UBE2B: variants seen among roughly 807,000 people sequenced by gnomAD.
The protein encoded by UBE2B is ubiquitin conjugating enzyme E2 B.
In UBE2B, 11 loss-of-function variants were observed where a neutral mutation model predicts 24.6. That is an observed-to-expected ratio of 0.45 (90% confidence interval 0.28 to 0.74). UBE2B has a LOEUF of 0.74. Ranked by LOEUF, UBE2B falls within the 30% of genes least tolerant of loss-of-function variation. The pLI is 0.13. For synonymous variants in UBE2B, 68 were observed against 62.4 expected, an observed-to-expected ratio of 1.09 and a Z score of -0.42; for missense variants, 78 against 185.6, an observed-to-expected ratio of 0.42 and a Z score of 3.37.
chr5:134,384,860 C>T (rs531193265), intron 4 of UBE2B, among the ~76,000 whole-genome samples: 94 of 149,676 alleles, frequency 6.3e-4, no homozygotes, highest in African/African-American at 2.2e-3. Context: ...TAACCCTCCC[C>T]GCTTCAGTCC....
At chr5:134,383,507 G>C (rs1386033840) in intron 4 of UBE2B, among the ~76,000 whole-genome samples, 1 of 110,188 alleles carries the variant, frequency 9.1e-6, no homozygotes, top group African/African-American at 3.8e-5. Context: ...TTTTGAGACA[G>C]AGTCTTGCTC....
chr5:134,385,838 C>T (rs1758791115), intron 4 of UBE2B, among the ~76,000 whole-genome samples: 1 of 151,520 alleles, frequency 6.6e-6, no homozygotes, highest in Non-Finnish European at 1.5e-5. Context: ...ATAGTGAAAC[C>T]CCGTCTTTAC....
rs1208010234 is a variant in UBE2B, at chr5:134,390,147, G to A, written c.331-78G>A. The stretch of plus-strand genomic sequence containing the variant: ...ATTTGTTGTTTTGTATAACTTTTCT[G>A]TAATATATTCCATATCTGACCCCTG... On this transcript the variant is annotated intron_variant, in intron 5 of 5. Coordinates refer to ENST00000265339, the MANE Select transcript of UBE2B (RefSeq NM_003337.4). The surrounding 1 kb of genome is among the most constrained non-coding windows in gnomAD (Gnocchi z 4.6). 4 of 1,564,396 alleles carry A rather than the reference G, an allele frequency of 2.6e-6. No homozygotes were observed. In the Admixed American group the frequency reaches 5.1e-5, roughly 20 times the overall value.
intron 5 of UBE2B, 78 bp downstream of exon 5, chr5:134,388,491 A>T (rs1423632919): frequency 7.8e-7 from 1 of 1,288,728 alleles, no homozygotes; most frequent in Non-Finnish European, 1.1e-6. Flanking sequence ...ACAGGTAACC[A>T]ATGGCAGAGC....
intron 3 of UBE2B, among the ~76,000 whole-genome samples, chr5:134,379,147 G>A (rs1357336284): frequency 6.6e-6 from 1 of 152,080 alleles, no homozygotes; most frequent in Admixed American, 6.6e-5. Context: ...CCAATATTTT[G>A]CAGATGTCCC....
At chr5:134,378,010 G>A (rs957251414) in intron 3 of UBE2B, among the ~76,000 whole-genome samples, 2 of 152,022 alleles carry the variant, frequency 1.3e-5, no homozygotes, top group African/African-American at 4.8e-5. Context: ...AGACCAGCCT[G>A]GGGGAGCCCT....
intron 4 of UBE2B, among the ~76,000 whole-genome samples, chr5:134,383,498 T>C (rs1042175498): frequency 6.8e-6 from 1 of 146,152 alleles, no homozygotes; most frequent in Non-Finnish European, 1.5e-5. Flanking sequence ...TTTTTTTTTT[T>C]TTGAGACAGA....
At chr5:134,376,118 G>A (rs1758598189) in intron 2 of UBE2B, among the ~76,000 whole-genome samples, 2 of 150,626 alleles carry the variant, frequency 1.3e-5, no homozygotes, top group South Asian at 4.2e-4. Context: ...TGGATCACCT[G>A]AGGTCAGGAG....
rs967472077 is a variant in UBE2B at position 134,391,841 on chromosome 5, C to G, written c.*1488C>G. ...ATTAGTTGGGCATAGTGGCACTTGC[C>G]TGTAGTCTCAGCTACTTAGGAGGCT... On this transcript the variant is annotated 3_prime_UTR_variant, in exon 6 of 6. Transcript: ENST00000265339. 1.3e-5 allele frequency: 2 copies of G among 152,146 alleles called. No individual in the cohort carries two copies. Among genetic ancestry groups the G allele is most frequent in the African/African-American group, 4.8e-5 (2 of 41,426 alleles). The allele number at this position is 152,146 out of a possible 1,614,324, so 9.4% of individuals were successfully genotyped here.
At chr5:134,388,945 T>G in intron 5 of UBE2B, 1 of 277,410 alleles carries the variant, frequency 3.6e-6, no homozygotes, top group South Asian at 2.5e-5. Flanking sequence ...CTTCTTTAAT[T>G]GTTTTTTTTT....
intron 3 of UBE2B, 126 bp downstream of exon 3, chr5:134,376,820 T>C: frequency 2.2e-6 from 2 of 911,774 alleles, no homozygotes; most frequent in Non-Finnish European, 3.3e-6. Flanking sequence ...AGTAAAGCTA[T>C]GGAAAATTTA....
chr5:134,371,718 CCTTTGTGACCCTCAGAGGGCCGG>C, intron 1 of UBE2B, 79 bp downstream of exon 1: 1 of 1,591,808 alleles, frequency 6.3e-7, no homozygotes, highest in Non-Finnish European at 8.6e-7. Context: ...GACACCTTCC[CCTTTGTGACCCTCAGAGGGCCGG>C]CTGTGGGCCC....
chr5:134,372,793 G>A (rs1227007827), intron 1 of UBE2B, among the ~76,000 whole-genome samples: 5 of 152,146 alleles, frequency 3.3e-5, no homozygotes, highest in African/African-American at 1.2e-4. Context: ...TGGACTAGTT[G>A]CAAATTATGA....
chr5:134,380,453 C>G (rs768258937), intron 3 of UBE2B, among the ~76,000 whole-genome samples: 22 of 152,178 alleles, frequency 1.4e-4, no homozygotes, highest in Non-Finnish European at 2.4e-4. Context: ...ATCTTGGTAG[C>G]TAGGGCCTAG....
In UBE2B at chr5:134,383,473, C is replaced by CTATTTTTTTT. The variant is rs1554114519; in HGVS notation, c.241+2666_241+2667insATTTTTTTTT. Among the ~76,000 whole-genome samples the CTATTTTTTTT allele has an allele frequency of 1.9e-4, 15 of 80,042 alleles. 2 individuals carry two copies. Among genetic ancestry groups the CTATTTTTTTT allele is most frequent in the African/African-American group, 6.0e-4 (11 of 18,438 alleles). The allele number at this position is 80,042 out of a possible 152,430, so 52.5% of individuals were successfully genotyped here. A position where few individuals can be genotyped will look rare whatever the true frequency, so the allele number is the denominator to read the frequency against. ...TGCAGATGTGTGCCACCATACCCAG[C>CTATTTTTTTT]TTTTTTTTTTTTTTTTTTTTTTTTT... On this transcript the variant is annotated intron_variant, in intron 4 of 5. Coordinates refer to ENST00000265339, the MANE Select transcript of UBE2B (RefSeq NM_003337.4).
intron 1 of UBE2B, among the ~76,000 whole-genome samples, chr5:134,373,700 G>A: frequency 6.6e-6 from 1 of 152,022 alleles, no homozygotes; most frequent in Non-Finnish European, 1.5e-5. Flanking sequence ...TGTTCTCATT[G>A]TTCAATTCCC....
chr5:134,384,666 T>C (rs902844468), intron 4 of UBE2B, among the ~76,000 whole-genome samples: 9 of 152,226 alleles, frequency 5.9e-5, no homozygotes, highest in African/African-American at 2.2e-4. Context: ...TTTTTTATAA[T>C]TTAACTTTCT....
intron 4 of UBE2B, 29 bp from the exon 5 acceptor site, chr5:134,388,296 T>C: frequency 6.3e-7 from 1 of 1,581,624 alleles, no homozygotes. Context: ...TGGCAGAGTG[T>C]GTAACTAATT....
intron 4 of UBE2B, among the ~76,000 whole-genome samples, chr5:134,381,335 T>TA (rs1244460267): frequency 6.6e-6 from 1 of 152,154 alleles, no homozygotes; most frequent in African/African-American, 2.4e-5. Context: ...AGTTCACTGT[T>TA]ACCTCAAACT....
Sources: gnomAD v4.1 joint callset for allele counts (sites outside exome capture counted in the v4.1 genomes callset) on GRCh38, gnomAD v4.1.1 for gene constraint, Gnocchi (gnomAD v3.1) non-coding constraint, MANE v1.5 for transcripts, NCBI Gene and HGNC (gene_info 2026-07-23, HGNC 2026-07-21) for gene names.